Variants in LARGE1 observed in about 807,000 individuals in gnomAD.
LARGE1 encodes xylosyl- and glucuronyltransferase LARGE1.
Under a neutral mutation model 87.6 loss-of-function variants are expected in LARGE1, and 43 were observed. The observed-to-expected ratio is 0.49, with a 90% CI of 0.38 to 0.63. The LOEUF is 0.63. Ranked by LOEUF, LARGE1 falls within the 30% of genes least tolerant of loss-of-function variation. LARGE1 has a pLI of 0.00. For missense variants in LARGE1, 802 were observed against 1,000.2 expected (o/e 0.80, Z 2.67); for synonymous variants, 434 against 394.6 (o/e 1.10, Z -1.18).
intron 10 of LARGE1, among the ~76,000 whole-genome samples, chr22:33,316,662 G>A (rs993493518): frequency 5.9e-5 from 9 of 152,018 alleles, no homozygotes; most frequent in South Asian, 4.2e-4. Flanking sequence ...ACCTGAGCCC[G>A]GGACATGGAG....
chr22:33,123,608 A>C, the LARGE1 span, among the ~76,000 whole-genome samples: 1 of 152,218 alleles, frequency 6.6e-6, no homozygotes, highest in African/African-American at 2.4e-5. Context: ...GCCAATTATG[A>C]GCTATGAATG....
intron 6 of LARGE1, among the ~76,000 whole-genome samples, chr22:33,445,250 C>A (rs2147860538): frequency 6.6e-6 from 1 of 152,236 alleles, no homozygotes; most frequent in Admixed American, 6.5e-5. Context: ...TGTGAGGTGA[C>A]AAGGGGTCAG....
chr22:33,900,748 T>C (rs2065260183), intron 1 of LARGE1, among the ~76,000 whole-genome samples: 1 of 152,114 alleles, frequency 6.6e-6, no homozygotes, highest in Admixed American at 6.5e-5. Context: ...CTGCTGTCCT[T>C]ATAAAAAGGG....
intron 7 of LARGE1, among the ~76,000 whole-genome samples, chr22:33,397,997 T>C (rs1011484263): frequency 1.4e-4 from 22 of 152,204 alleles, no homozygotes; most frequent in Admixed American, 1.2e-3. Flanking sequence ...TGTCTGCCCT[T>C]TTTCTTACTG....
At chr22:33,318,580 C>T (rs1487025705) in intron 10 of LARGE1, among the ~76,000 whole-genome samples, 2 of 151,814 alleles carry the variant, frequency 1.3e-5, no homozygotes, top group South Asian at 2.1e-4. Flanking sequence ...GGGAACATCA[C>T]ACACCGGGGC....
At chr22:33,133,873 G>C in the LARGE1 span, among the ~76,000 whole-genome samples, 15 of 152,162 alleles carry the variant, frequency 9.9e-5, no homozygotes, top group Non-Finnish European at 2.1e-4. Context: ...CACTTATAAA[G>C]AGAATGTGTG....
intron 1 of LARGE1, among the ~76,000 whole-genome samples, chr22:33,766,487 G>A (rs774568307): frequency 2.1e-4 from 32 of 152,200 alleles, no homozygotes; most frequent in Admixed American, 2.6e-4. Flanking sequence ...GTGCAATGTC[G>A]TGATCTTGGC....
intron 2 of LARGE1, among the ~76,000 whole-genome samples, chr22:33,672,605 C>A (rs909989320): frequency 6.6e-6 from 1 of 152,200 alleles, no homozygotes; most frequent in African/African-American, 2.4e-5. Context: ...GTAAGTCTAT[C>A]TGGTTGAGAC....
intron 2 of LARGE1, among the ~76,000 whole-genome samples, chr22:33,738,844 CA>C (rs546110880): frequency 0.064 from 4,717 of 74,258 alleles, 79 homozygotes; most frequent in Middle Eastern, 0.12. Context: ...GACTCCGTCT[CA>C]AAAAAAAAAA....
chr22:33,686,474 C>T (rs988906685), intron 2 of LARGE1, among the ~76,000 whole-genome samples: 2 of 147,292 alleles, frequency 1.4e-5, no homozygotes, highest in African/African-American at 5.1e-5. Flanking sequence ...ACCTGGGAGG[C>T]AGACGTTGCA....
chr22:33,094,207 A>C, the LARGE1 span, among the ~76,000 whole-genome samples: 9 of 152,266 alleles, frequency 5.9e-5, no homozygotes, highest in South Asian at 1.9e-3. Context: ...TATGGGAGCT[A>C]AGGAGCTGAG....
At chr22:33,375,354 T>G (rs2064957424) in intron 9 of LARGE1, among the ~76,000 whole-genome samples, 2 of 152,180 alleles carry the variant, frequency 1.3e-5, no homozygotes, top group Non-Finnish European at 2.9e-5. Context: ...ATATGGTTAT[T>G]TATACAAGTT....
intron 11 of LARGE1, among the ~76,000 whole-genome samples, chr22:33,212,512 G>A (rs2146235811): frequency 6.6e-6 from 1 of 152,326 alleles, no homozygotes; most frequent in African/African-American, 2.4e-5. Context: ...TTCTGAGGGA[G>A]ATGTACAAGA....
chr22:33,144,999 T>C, the LARGE1 span, among the ~76,000 whole-genome samples: 2 of 151,984 alleles, frequency 1.3e-5, no homozygotes, highest in African/African-American at 4.8e-5. Context: ...TTCTTGGATT[T>C]TGTTGTGCCC....
At chr22:33,436,171 A>C (rs1000562411) in intron 6 of LARGE1, among the ~76,000 whole-genome samples, 1 of 152,158 alleles carries the variant, frequency 6.6e-6, no homozygotes, top group Admixed American at 6.5e-5. Context: ...CGTGAAAAAA[A>C]TTGCTTAACC....
intron 2 of LARGE1, among the ~76,000 whole-genome samples, chr22:33,655,325 C>T (rs1216721871): frequency 2.0e-5 from 3 of 152,212 alleles, no homozygotes; most frequent in Non-Finnish European, 4.4e-5. Context: ...GAGAACTCAT[C>T]TTGCCTGACA....
At position 33,403,707 on chromosome 22, in the gene LARGE1, G is replaced by A. The variant is rs528739319; in HGVS notation, c.893-19403C>T. 4.6e-3 allele frequency among the ~76,000 whole-genome samples: 697 copies of A among 152,100 alleles called. 4 individuals carry two copies. Among genetic ancestry groups the A allele is most frequent in the African/African-American group, 0.016 (664 of 41,478 alleles). ...CAACCTCTGCCTCTTGGGTTCAAGCGATTCTCCTGCCTCAGCCTCCCGAGT... is the reference window on the plus strand; with the variant it reads ...CAACCTCTGCCTCTTGGGTTCAAGCAATTCTCCTGCCTCAGCCTCCCGAGT... On this transcript the variant is annotated intron_variant, in intron 7 of 14. Coordinates refer to ENST00000397394, the MANE Select transcript of LARGE1 (RefSeq NM_133642.5).
At chr22:33,574,208 G>T (rs1326124901) in intron 5 of LARGE1, among the ~76,000 whole-genome samples, 1 of 152,078 alleles carries the variant, frequency 6.6e-6, no homozygotes, top group Non-Finnish European at 1.5e-5. Flanking sequence ...GCCATCCTTG[G>T]AGTCTGTGGG....
chr22:33,408,044 G>C (rs1262668441), intron 7 of LARGE1, among the ~76,000 whole-genome samples: 1 of 150,462 alleles, frequency 6.6e-6, no homozygotes, highest in Non-Finnish European at 1.5e-5. Context: ...GCAGTGGCAC[G>C]ATCTCGGCTC....
Sources: allele counts gnomAD v4.1 joint callset (sites outside exome capture counted in the v4.1 genomes callset), GRCh38; gene constraint gnomAD v4.1.1; transcripts MANE v1.5; gene names NCBI Gene and HGNC (gene_info 2026-07-23, HGNC 2026-07-21).